Variants in CACNA1G observed in about 807,000 individuals in gnomAD.
The protein encoded by CACNA1G is calcium voltage-gated channel subunit alpha1 G.
CACNA1G carries 67 observed loss-of-function variants against 219.4 expected under a neutral mutation model. That is an observed-to-expected ratio of 0.31 (90% confidence interval 0.25 to 0.37). CACNA1G has a LOEUF of 0.37. Ranked by LOEUF, CACNA1G falls within the 10% of genes least tolerant of loss-of-function variation. CACNA1G has a pLI of 1.00. For synonymous variants in CACNA1G, 1,296 were observed against 1,345.3 expected, an observed-to-expected ratio of 0.96 and a Z score of 0.80; for missense variants, 2,380 against 3,231.4, an observed-to-expected ratio of 0.74 and a Z score of 6.39.
intron 9 of CACNA1G, among the ~76,000 whole-genome samples, chr17:50,586,618 C>T (rs2043051249): frequency 6.6e-6 from 1 of 152,338 alleles, no homozygotes. Context: ...CAGCCTTTCA[C>T]TCCTTTGTTC....
intron 9 of CACNA1G, among the ~76,000 whole-genome samples, chr17:50,586,116 G>A (rs1004780670): frequency 2.6e-5 from 4 of 152,198 alleles, no homozygotes; most frequent in East Asian, 1.9e-4. Flanking sequence ...TGCCTGGACT[G>A]CTGCAGTATC....
rs140199955 is a variant in CACNA1G at position 50,625,871 on chromosome 17, T to A, written c.6400-146T>A. The A allele has an allele frequency of 7.4e-4, 592 of 795,806 alleles. 3 individuals carry two copies. Among genetic ancestry groups the A allele is most frequent in the African/African-American group, 6.8e-3 (391 of 57,718 alleles). 49.3% of individuals were successfully genotyped at this position (795,806 alleles called of 1,614,324 possible). On this transcript the variant is annotated intron_variant, in intron 37 of 37. Coordinates refer to ENST00000359106, the MANE Select transcript of CACNA1G (RefSeq NM_018896.5). ...TCAGGCTGCAATGACCCCTATCTACTAGTAAGAGCGGCTACCAGGACCTCT... is the reference window on the plus strand; with the variant it reads ...TCAGGCTGCAATGACCCCTATCTACAAGTAAGAGCGGCTACCAGGACCTCT...
In CACNA1G at chr17:50,578,261, C is replaced by A. The variant is rs1207224249; in HGVS notation, c.1998C>A (p.Ser666Arg). The A allele has an allele frequency of 3.1e-6, 5 of 1,612,364 alleles. No homozygotes were observed. The highest frequency in any genetic ancestry group is 4.2e-6 in the Non-Finnish European group (5 of 1,179,522). ...KADSGACGPD[S>R]CPYCARAGAG... ...ACAGTGGAGCCTGTGGTCCAGACAG[C>A]TGCCCCTACTGTGCCCGGGCCGGGG... The change falls in exon 9 of 38, where the codon AGC becomes AGA. Residue 666 changes from serine (S) to arginine (R), a missense_variant. By Grantham distance (110) the Ser-to-Arg change is moderately radical. This residue lies in a region of CACNA1G where 434 missense variants were observed against 417.3 expected (regional missense o/e 1.04). Transcript: ENST00000359106. The surrounding 1 kb of genome is among the most constrained non-coding windows in gnomAD (Gnocchi z 4.5).
chr17:50,569,444 C>T lies in CACNA1G; in HGVS notation c.488+146C>T, dbSNP rs576070172. 7.7e-5 allele frequency: 66 copies of T among 857,386 alleles called. No individual in the cohort carries two copies. In the Admixed American group the frequency reaches 1.4e-3, roughly 18 times the overall value. The allele number at this position is 857,386 out of a possible 1,614,324, so 53.1% of individuals were successfully genotyped here. A position where few individuals can be genotyped will look rare whatever the true frequency, so the allele number is the denominator to read the frequency against. On this transcript the variant is annotated intron_variant, in intron 3 of 37. Transcript: ENST00000359106. Reference sequence around the variant, plus strand: ...TATCTCCTGAGGGTCTGAGGCTGCCCTGCCTCTAGCACTGTAGCCTATATT... The same window carrying T: ...TATCTCCTGAGGGTCTGAGGCTGCCTTGCCTCTAGCACTGTAGCCTATATT...
intron 1 of CACNA1G, among the ~76,000 whole-genome samples, chr17:50,566,229 G>A (rs1295615954): frequency 6.6e-6 from 1 of 152,106 alleles, no homozygotes; most frequent in Non-Finnish European, 1.5e-5. Context: ...CTGTCGTTAT[G>A]GCAACAGAAG....
rs751293785 is a variant in CACNA1G at position 50,624,480 on chromosome 17, T to G, written c.6350T>G (p.Leu2117Arg). The G allele has an allele frequency of 6.2e-7, 1 of 1,600,950 alleles. No homozygotes were observed. The highest frequency in any genetic ancestry group is 1.1e-5 in the South Asian group (1 of 88,144). Residue 2117 changes from leucine (L) to arginine (R), a missense_variant, in exon 37 of 38, where the codon CTG becomes CGG. Physicochemically the swap from Leu to Arg is moderately radical, Grantham distance 102. Transcript: ENST00000359106. ...CCAACCTGGGGCACCATCCCCAAAC[T>G]GCCCCCACCAGGACGCTCCCCTTTG... ...SAPTWGTIPKLPPPGRSPLAQ... is the reference protein window; with the variant it reads ...SAPTWGTIPKRPPPGRSPLAQ...
At chr17:50,594,910 A>T in intron 13 of CACNA1G, 83 bp from the exon 14 acceptor site, 1 of 1,033,414 alleles carries the variant, frequency 9.7e-7, no homozygotes, top group Non-Finnish European at 1.4e-6. Context: ...CCTTTTCTTC[A>T]TCCTCTCTCG....
At chr17:50,610,136 C>T (rs1279849730) in intron 26 of CACNA1G, among the ~76,000 whole-genome samples, 2 of 152,228 alleles carry the variant, frequency 1.3e-5, no homozygotes, top group Non-Finnish European at 2.9e-5. Context: ...TGAGGCCTCT[C>T]TGCCGACGCC....
chr17:50,600,987 C>T lies in CACNA1G; in HGVS notation c.3792-64C>T, dbSNP rs963271671. ...GCACTGGAGGGGCAGGGGCTGCGGG[C>T]GGTGCCTCTCGTTGCCACCTGCCCT... On this transcript the variant is annotated intron_variant, in intron 18 of 37. Transcript: ENST00000359106. This position sits in a 1 kb window ranked among gnomAD's most constrained non-coding sequence, Gnocchi z 4.1. The T allele has an allele frequency of 1.7e-5, 27 of 1,595,534 alleles. No homozygotes were observed. Among genetic ancestry groups the T allele is most frequent in the Admixed American group, 1.5e-4 (9 of 59,618 alleles).
intron 4 of CACNA1G, among the ~76,000 whole-genome samples, chr17:50,570,389 A>G (rs2039109260): frequency 6.6e-6 from 1 of 151,918 alleles, no homozygotes; most frequent in Admixed American, 6.6e-5. Flanking sequence ...AGTTCTCCCT[A>G]CATACTGCCC....
chr17:50,573,314 C>G, intron 7 of CACNA1G: 1 of 559,716 alleles, frequency 1.8e-6, no homozygotes, highest in South Asian at 2.2e-5. Flanking sequence ...GACTTAACTG[C>G]TATTGGGACC....
intron 36 of CACNA1G, 81 bp downstream of exon 36, chr17:50,624,156 G>T: frequency 6.6e-7 from 1 of 1,510,286 alleles, no homozygotes; most frequent in South Asian, 1.2e-5. Flanking sequence ...CTGAGGGGAT[G>T]GGGAACTGAG....
intron 8 of CACNA1G, among the ~76,000 whole-genome samples, chr17:50,577,938 T>C (rs536905733): frequency 1.2e-4 from 19 of 152,154 alleles, no homozygotes; most frequent in Non-Finnish European, 2.8e-4. Flanking sequence ...TCAGAGGACA[T>C]CCAGGCCACC....
intron 22 of CACNA1G, among the ~76,000 whole-genome samples, chr17:50,605,215 A>G (rs2047700572): frequency 6.6e-6 from 1 of 152,180 alleles, no homozygotes; most frequent in South Asian, 2.1e-4. Flanking sequence ...CAGTTTGCTC[A>G]GGCCCCCTGG....
chr17:50,607,766 G>C (rs982553197), intron 24 of CACNA1G, 61 bp from the exon 25 acceptor site: 2 of 1,457,480 alleles, frequency 1.4e-6, no homozygotes, highest in Non-Finnish European at 9.6e-7. Flanking sequence ...GCTGTGGGCA[G>C]CTCCTAAGAC....
intron 13 of CACNA1G, among the ~76,000 whole-genome samples, chr17:50,594,327 A>G (rs1197612377): frequency 6.6e-6 from 1 of 152,230 alleles, no homozygotes; most frequent in Non-Finnish European, 1.5e-5. Flanking sequence ...TCTCAGCATT[A>G]CTTGTCACAT....
In CACNA1G at chr17:50,560,870, C is replaced by T. The variant is rs1274534390; in HGVS notation, c.-590C>T. On this transcript the variant is annotated 5_prime_UTR_variant, in exon 1 of 38. Transcript: ENST00000359106. ...TCCACTCCCGCCCGGGACTGCCCCCCACTGTCTCCCCGCCCCTCCCGGACA... is the reference window on the plus strand; with the variant it reads ...TCCACTCCCGCCCGGGACTGCCCCCTACTGTCTCCCCGCCCCTCCCGGACA... 6.6e-6 allele frequency among the ~76,000 whole-genome samples: 1 copy of T among 152,064 alleles called. No homozygotes were observed. The highest frequency in any genetic ancestry group is 1.5e-5 in the Non-Finnish European group (1 of 67,942).
chr17:50,618,838 C>G lies in CACNA1G; in HGVS notation c.5611C>G (p.Leu1871Val). Residue 1871 changes from leucine to valine, a missense_variant, in exon 33 of 38, where the codon CTG becomes GTG. Leu to Val is a conservative substitution (Grantham distance 32, BLOSUM62 1). Coordinates refer to ENST00000359106, the MANE Select transcript of CACNA1G (RefSeq NM_018896.5). This position sits in a 1 kb window ranked among gnomAD's most constrained non-coding sequence, Gnocchi z 5.3. ...AKEEAELEAE[L>V]ELEMKTLSPQ... ...GGAGGAGGCCGAGCTAGAGGCTGAGCTGGAGCTGGAGATGAAGACCCTCAG... is the reference window on the plus strand; with the variant it reads ...GGAGGAGGCCGAGCTAGAGGCTGAGGTGGAGCTGGAGATGAAGACCCTCAG... 2 of 1,613,762 alleles carry G rather than the reference C, an allele frequency of 1.2e-6. No individual in the cohort carries two copies. The highest frequency in any genetic ancestry group is 1.7e-6 in the Non-Finnish European group (2 of 1,179,860).
rs57905046 is a variant in CACNA1G at position 50,573,029 on chromosome 17, G to A, written c.1056G>A (p.Thr352=). The A allele has an allele frequency of 1.8e-4, 277 of 1,577,440 alleles. No homozygotes were observed. The highest frequency in any genetic ancestry group is 2.1e-4 in the Non-Finnish European group (249 of 1,160,592). ...CCCTCTGCACCCCCTAGGTCATCAC[G>A]CTGGAGGGCTGGGTCGACATCATGT... ...YAWIAIFQVI[T]LEGWVDIMYF... is the part of the protein sequence containing the mutation. The change falls in exon 7 of 38, where the codon ACG becomes ACA. Residue 352 remains threonine (T), a synonymous_variant. Coordinates refer to ENST00000359106, the MANE Select transcript of CACNA1G (RefSeq NM_018896.5).
Sources: allele counts gnomAD v4.1 joint callset (sites outside exome capture counted in the v4.1 genomes callset), GRCh38; gene constraint gnomAD v4.1.1; regional missense constraint gnomAD v4.1.1; non-coding constraint Gnocchi (gnomAD v3.1); transcripts MANE v1.5; gene names NCBI Gene and HGNC (gene_info 2026-07-23, HGNC 2026-07-21).